HOMER1: variants seen among roughly 807,000 people sequenced by gnomAD.
HOMER1 encodes the protein homer protein homolog 1.
HOMER1 carries 3 observed loss-of-function variants against 48.9 expected under a neutral mutation model. The ratio of observed to expected loss-of-function variants is 0.06; its 90% CI spans 0.03 to 0.16. The LOEUF (loss-of-function observed/expected upper bound fraction) is 0.16. Ranked by LOEUF, HOMER1 falls within the 10% of genes least tolerant of loss-of-function variation. The pLI is 1.00. For missense variants in HOMER1, 247 were observed against 411.4 expected, an observed-to-expected ratio of 0.60 and a Z score of 3.46; for synonymous variants, 134 against 146.4, an observed-to-expected ratio of 0.92 and a Z score of 0.61.
intron 1 of HOMER1, among the ~76,000 whole-genome samples, chr5:79,494,635 A>C (rs903984517): frequency 1.4e-4 from 22 of 152,112 alleles, no homozygotes; most frequent in African/African-American, 5.1e-4. Context: ...TTGGGAGGCC[A>C]AGGCGGGTGG....
intron 5 of HOMER1, among the ~76,000 whole-genome samples, chr5:79,420,889 T>C (rs1423876795): frequency 6.6e-6 from 1 of 152,202 alleles, no homozygotes; most frequent in African/African-American, 2.4e-5. Context: ...AATGGACCTA[T>C]GCCAAAGAGT....
intron 1 of HOMER1, among the ~76,000 whole-genome samples, chr5:79,491,631 G>T (rs373752369): frequency 6.6e-6 from 1 of 151,916 alleles, no homozygotes; most frequent in Non-Finnish European, 1.5e-5. Context: ...TTTTCCTTCC[G>T]ATCTCATTTT....
intron 1 of HOMER1, among the ~76,000 whole-genome samples, chr5:79,501,742 A>G (rs1321095073): frequency 6.6e-6 from 1 of 152,188 alleles, no homozygotes; most frequent in African/African-American, 2.4e-5. Context: ...AGCTGGGGGA[A>G]TCCAGCACAT....
intron 1 of HOMER1, among the ~76,000 whole-genome samples, chr5:79,512,103 TAACTC>T (rs1216035298): frequency 8.2e-6 from 1 of 121,436 alleles, no homozygotes; most frequent in Non-Finnish European, 1.8e-5. Flanking sequence ...CTGATACTGT[TAACTC>T]AAACTGAAGG....
chr5:79,383,086 C>T (rs1749023237), intron 8 of HOMER1, among the ~76,000 whole-genome samples: 1 of 152,088 alleles, frequency 6.6e-6, no homozygotes, highest in African/African-American at 2.4e-5. Flanking sequence ...GTAGCTATAC[C>T]TATATCAGAT....
intron 1 of HOMER1, among the ~76,000 whole-genome samples, chr5:79,486,222 G>T (rs1752097558): frequency 6.6e-6 from 1 of 152,140 alleles, no homozygotes; most frequent in African/African-American, 2.4e-5. Context: ...ATGCCATATG[G>T]AACAGAGATG....
intron 8 of HOMER1, among the ~76,000 whole-genome samples, chr5:79,377,157 G>A (rs1448756785): frequency 1.3e-5 from 2 of 152,044 alleles, no homozygotes; most frequent in African/African-American, 4.8e-5. Context: ...GTAGAGACGG[G>A]GTTTCACCAT....
intron 1 of HOMER1, among the ~76,000 whole-genome samples, chr5:79,469,502 C>T (rs570227490): frequency 3.3e-5 from 5 of 152,162 alleles, no homozygotes; most frequent in Admixed American, 1.3e-4. Flanking sequence ...ACATGGTCCT[C>T]GAGTCATCTA....
chr5:79,497,830 C>T (rs1316779635), intron 1 of HOMER1, among the ~76,000 whole-genome samples: 2 of 152,092 alleles, frequency 1.3e-5, no homozygotes, highest in African/African-American at 4.8e-5. Flanking sequence ...TTGTAAGCTT[C>T]ACTTATCAAA....
At chr5:79,497,814 T>C (rs1752470541) in intron 1 of HOMER1, among the ~76,000 whole-genome samples, 1 of 152,128 alleles carries the variant, frequency 6.6e-6, no homozygotes, top group African/African-American at 2.4e-5. Context: ...GTTTCTCACG[T>C]TTGATTTGTA....
intron 5 of HOMER1, among the ~76,000 whole-genome samples, chr5:79,423,418 T>C (rs1750157808): frequency 6.6e-6 from 1 of 152,200 alleles, no homozygotes; most frequent in South Asian, 2.1e-4. Context: ...CTTGTGCTAA[T>C]TTTACATTAT....
intron 3 of HOMER1, among the ~76,000 whole-genome samples, chr5:79,449,509 G>A (rs543590926): frequency 6.6e-6 from 1 of 152,302 alleles, no homozygotes; most frequent in South Asian, 2.1e-4. Flanking sequence ...GTCTTGCTCT[G>A]TCACCCAGGC....
chr5:79,411,936 T>C (rs191698329), intron 5 of HOMER1, among the ~76,000 whole-genome samples: 2 of 152,198 alleles, frequency 1.3e-5, no homozygotes, highest in Admixed American at 6.5e-5. Flanking sequence ...CTGGCCAACA[T>C]GGTGAAACCC....
chr5:79,495,089 T>C (rs558586968), intron 1 of HOMER1, among the ~76,000 whole-genome samples: 1 of 152,264 alleles, frequency 6.6e-6, no homozygotes, highest in South Asian at 2.1e-4. Context: ...ACACAAAGAA[T>C]ACATGTAATT....
intron 1 of HOMER1, among the ~76,000 whole-genome samples, chr5:79,477,913 T>C (rs2112336351): frequency 6.6e-6 from 1 of 152,150 alleles, no homozygotes; most frequent in African/African-American, 2.4e-5. Flanking sequence ...GTAAGAAATG[T>C]CAATAGAAGA....
chr5:79,458,388 T>A (rs1751229198), intron 1 of HOMER1, among the ~76,000 whole-genome samples: 1 of 151,902 alleles, frequency 6.6e-6, no homozygotes, highest in African/African-American at 2.4e-5. Flanking sequence ...ATTGGTAATA[T>A]TTAATATTAA....
At chr5:79,480,465 T>C (rs1409143929) in intron 1 of HOMER1, among the ~76,000 whole-genome samples, 1 of 152,212 alleles carries the variant, frequency 6.6e-6, no homozygotes, top group Non-Finnish European at 1.5e-5. Flanking sequence ...CCAAAGCCCA[T>C]AACTTTTCAC....
chr5:79,469,253 G>T (rs186404415), intron 1 of HOMER1, among the ~76,000 whole-genome samples: 209 of 152,204 alleles, frequency 1.4e-3, no homozygotes, highest in Non-Finnish European at 1.5e-3. Context: ...ATGTTTTCCT[G>T]GCTCAGCGTC....
intron 1 of HOMER1, among the ~76,000 whole-genome samples, chr5:79,502,971 A>T (rs187174820): frequency 0.011 from 1,607 of 144,492 alleles, 30 homozygotes; most frequent in African/African-American, 0.04. Context: ...TTTGTATTTT[A>T]AGTAGAGACA....
Sources: gnomAD v4.1 joint callset for allele counts (sites outside exome capture counted in the v4.1 genomes callset) on GRCh38, gnomAD v4.1.1 for gene constraint, MANE v1.5 for transcripts, NCBI Gene and HGNC (gene_info 2026-07-23, HGNC 2026-07-21) for gene names.